MEIKIN: variants seen among roughly 807,000 people sequenced by gnomAD.
MEIKIN encodes meiosis-specific kinetochore protein.
intron 4 of MEIKIN, among the ~76,000 whole-genome samples, chr5:131,935,479 A>G (rs1055737086): frequency 1.3e-5 from 2 of 152,190 alleles, no homozygotes; most frequent in Non-Finnish European, 2.9e-5. Flanking sequence ...ACATAGTACT[A>G]AAAGTTGAGG....
At chr5:131,896,414 A>T (rs1751052811) in intron 8 of MEIKIN, among the ~76,000 whole-genome samples, 1 of 152,138 alleles carries the variant, frequency 6.6e-6, no homozygotes, top group African/African-American at 2.4e-5. Flanking sequence ...CTTGGTGCAG[A>T]GCTGAGTTCA....
chr5:131,875,015 T>G (rs1750585818), intron 9 of MEIKIN, among the ~76,000 whole-genome samples: 1 of 146,400 alleles, frequency 6.8e-6, no homozygotes, highest in African/African-American at 2.4e-5. Flanking sequence ...GAGCTATCTA[T>G]GACAAACCCA....
rs186739016 is a variant in MEIKIN at position 131,941,940 on chromosome 5, C to T, written c.349+695G>A. On this transcript the variant is annotated intron_variant, in intron 4 of 12. Coordinates refer to ENST00000442687, the MANE Select transcript of MEIKIN (RefSeq NM_001303622.2). ...ATAGCCATCACATCACATCAGCACC[C>T]TTTTTTCCATCTCCAATGTCACCAC... Among the ~76,000 whole-genome samples the T allele has an allele frequency of 2.6e-5, 4 of 152,210 alleles. No individual in the cohort carries two copies. In the East Asian group the frequency reaches 7.7e-4, roughly 29 times the overall value.
chr5:131,833,671 G>T (rs1238464438), intron 11 of MEIKIN, among the ~76,000 whole-genome samples: 2 of 151,556 alleles, frequency 1.3e-5, no homozygotes, highest in Non-Finnish European at 2.9e-5. Flanking sequence ...GATCTTCTGA[G>T]GCTTATTCAC....
At chr5:131,851,485 C>A in intron 10 of MEIKIN, 102 bp from the exon 11 acceptor site, 1 of 386,396 alleles carries the variant, frequency 2.6e-6, no homozygotes, top group Middle Eastern at 6.6e-4. Context: ...TCATTGGAAG[C>A]ATTTTCCTGT....
In MEIKIN at chr5:131,909,252, T is replaced by C. The variant is rs150453310; in HGVS notation, c.703+2563A>G. Among the ~76,000 whole-genome samples, 724 of 151,986 alleles carry C rather than the reference T, an allele frequency of 4.8e-3. 5 individuals are homozygous for C. Among genetic ancestry groups the C allele is most frequent in the African/African-American group, 0.017 (687 of 41,484 alleles). On this transcript the variant is annotated intron_variant, in intron 8 of 12. Coordinates refer to ENST00000442687, the MANE Select transcript of MEIKIN (RefSeq NM_001303622.2). ...CCAAGGAATCAGAAAAGAGAACCCA[T>C]AGATAAATCTATACATCTACACCGA...
chr5:131,924,967 G>A (rs1290218361), intron 5 of MEIKIN, among the ~76,000 whole-genome samples: 2 of 152,104 alleles, frequency 1.3e-5, no homozygotes, highest in Non-Finnish European at 2.9e-5. Context: ...TTATATTTAA[G>A]TATTTAATCC....
intron 11 of MEIKIN, among the ~76,000 whole-genome samples, chr5:131,825,896 G>A (rs1749601208): frequency 6.6e-6 from 1 of 152,104 alleles, no homozygotes; most frequent in Non-Finnish European, 1.5e-5. Flanking sequence ...CCACATGTAA[G>A]TCAAAAGACA....
Position 131,852,380 on chromosome 5 carries a change from C to A in MEIKIN, c.856-997G>T, listed in dbSNP as rs544147185. ...TGTAAGTTTCCTGAGGCCTCCCCAG[C>A]CATGCGGAACTGTGAGCCAATTGAA... On this transcript the variant is annotated intron_variant, in intron 10 of 12. Transcript: ENST00000442687. Among the ~76,000 whole-genome samples the A allele has an allele frequency of 3.0e-3, 461 of 152,268 alleles. 2 individuals carry two copies. Among genetic ancestry groups the A allele is most frequent in the African/African-American group, 0.01 (429 of 41,518 alleles).
chr5:131,879,694 A>G (rs951511769), intron 8 of MEIKIN, among the ~76,000 whole-genome samples: 3 of 152,190 alleles, frequency 2.0e-5, no homozygotes, highest in African/African-American at 7.2e-5. Flanking sequence ...CAAAGTATCC[A>G]GTTGCACTTC....
intron 5 of MEIKIN, among the ~76,000 whole-genome samples, chr5:131,932,624 T>G (rs548658169): frequency 2.8e-4 from 42 of 152,306 alleles, no homozygotes; most frequent in African/African-American, 1.0e-3. Context: ...AGGGTATGAA[T>G]ATAATACTAC....
intron 8 of MEIKIN, among the ~76,000 whole-genome samples, chr5:131,907,450 A>C (rs1751259941): frequency 6.6e-6 from 1 of 151,934 alleles, no homozygotes; most frequent in Non-Finnish European, 1.5e-5. Context: ...AACCCAATTA[A>C]ATAAAATCAG....
rs566818245 is a variant in MEIKIN, at chr5:131,816,312, C to G, written c.1099+2428G>C. Among the ~76,000 whole-genome samples the G allele has an allele frequency of 6.6e-5, 10 of 152,270 alleles. 1 individual carries two copies. The South Asian group carries it at 2.1e-3, about 32-fold the overall frequency. The stretch of plus-strand genomic sequence containing the variant: ...TTATTCAGTTCAATACTAATCTAAG[C>G]GTTGCTGTGAAGGTATTTTGTAGAT... On this transcript the variant is annotated intron_variant, in intron 12 of 12. Coordinates refer to ENST00000442687, the MANE Select transcript of MEIKIN (RefSeq NM_001303622.2).
chr5:131,847,348 A>C (rs1414219592), intron 11 of MEIKIN, among the ~76,000 whole-genome samples: 1 of 152,134 alleles, frequency 6.6e-6, no homozygotes, highest in Non-Finnish European at 1.5e-5. Flanking sequence ...AAAGTGAAAC[A>C]GAAAAAGCTA....
intron 5 of MEIKIN, among the ~76,000 whole-genome samples, chr5:131,922,473 ATTAT>A (rs1022339721): frequency 3.9e-5 from 6 of 152,128 alleles, no homozygotes; most frequent in Middle Eastern, 3.2e-3. Flanking sequence ...TAATCTAAAG[ATTAT>A]TTAAAGTATA....
At chr5:131,903,007 C>T (rs935379751) in intron 8 of MEIKIN, among the ~76,000 whole-genome samples, 3 of 152,094 alleles carry the variant, frequency 2.0e-5, no homozygotes, top group Admixed American at 6.5e-5. Context: ...TTTCATAATG[C>T]AATCGCAAGT....
chr5:131,916,793 C>T, intron 7 of MEIKIN, 93 bp downstream of exon 7: 1 of 389,946 alleles, frequency 2.6e-6, no homozygotes, highest in Non-Finnish European at 4.5e-6. Context: ...TAAATGAACA[C>T]CTGAGTTTGT....
At chr5:131,920,688 C>T (rs530676913) in intron 6 of MEIKIN, among the ~76,000 whole-genome samples, 2 of 149,154 alleles carry the variant, frequency 1.3e-5, no homozygotes, top group Admixed American at 6.6e-5. Flanking sequence ...CCAAAAACTG[C>T]ATAACTTCAT....
intron 4 of MEIKIN, among the ~76,000 whole-genome samples, chr5:131,933,959 T>A (rs1321072501): frequency 6.6e-6 from 1 of 152,066 alleles, no homozygotes; most frequent in African/African-American, 2.4e-5. Flanking sequence ...TTAATTTTTT[T>A]TTTTGAGACC....
Sources: allele counts gnomAD v4.1 joint callset (sites outside exome capture counted in the v4.1 genomes callset), GRCh38; gene constraint gnomAD v4.1.1; transcripts MANE v1.5; gene names NCBI Gene and HGNC (gene_info 2026-07-23, HGNC 2026-07-21).